The following CFAP44 variants were observed in gnomAD, a reference collection of about 807,000 sequenced individuals.
CFAP44 encodes the protein cilia- and flagella-associated protein 44.
Under a neutral mutation model 216.2 loss-of-function variants are expected in CFAP44, and 134 were observed. That is an observed-to-expected ratio of 0.62 (90% CI 0.54 to 0.72). The LOEUF is 0.72. CFAP44 is among the 30% of genes least tolerant of loss of function. The pLI, the probability that CFAP44 is intolerant of heterozygous loss-of-function variation, is 0.00. For synonymous variants in CFAP44, 700 were observed against 727.6 expected (o/e 0.96, Z 0.61); for missense variants, 2,035 against 2,182.1 (o/e 0.93, Z 1.34).
At chr3:113,362,890 C>T in intron 21 of CFAP44, 1 of 1,215,262 alleles carries the variant, frequency 8.2e-7, no homozygotes, top group Non-Finnish European at 1.0e-6. Flanking sequence ...ATTTCTTCCC[C>T]ATGTATTCCT....
In CFAP44 at chr3:113,304,078, A is replaced by G. The variant is rs1388213106; in HGVS notation, c.4915T>C (p.Ser1639Pro). Reference protein sequence around the residue: ...VVFGEIPSDLSGTLVFSNHAL... With the variant: ...VVFGEIPSDLPGTLVFSNHAL... ...TGGTTAGAGAAGACCAAAGTACCAGAAAGATCGCTAGGTATTTCTCCAAAT... is the reference window on the plus strand; with the variant it reads ...TGGTTAGAGAAGACCAAAGTACCAGGAAGATCGCTAGGTATTTCTCCAAAT... Residue 1639 changes from serine (S) to proline (P), a missense_variant, in exon 32 of 35, where the codon TCT becomes CCT. Physicochemically the swap from Ser to Pro is moderately conservative, Grantham distance 74. This residue lies in a region of CFAP44 where 1,883 missense variants were observed against 2,023.7 expected (regional missense o/e 0.93). Coordinates refer to ENST00000393845, the MANE Select transcript of CFAP44 (RefSeq NM_001164496.2). 1.9e-5 allele frequency: 29 copies of G among 1,537,184 alleles called. No homozygotes were observed.
chr3:113,419,922 T>G, intron 5 of CFAP44, 95 bp downstream of exon 5: 1 of 1,298,776 alleles, frequency 7.7e-7, no homozygotes, highest in Non-Finnish European at 1.1e-6. Flanking sequence ...ATACTGTGCA[T>G]GGTGTTGGCA....
At chr3:113,367,631 C>T (rs1010625050) in intron 18 of CFAP44, among the ~76,000 whole-genome samples, 1 of 152,128 alleles carries the variant, frequency 6.6e-6, no homozygotes, top group Non-Finnish European at 1.5e-5. Flanking sequence ...GGGGAGAAAC[C>T]AGAGCAGAAA....
In CFAP44 at chr3:113,316,290, C is replaced by A. The variant is rs564806243; in HGVS notation, c.4517-8022G>T. Among the ~76,000 whole-genome samples the A allele has an allele frequency of 3.4e-4, 51 of 152,068 alleles. 1 individual carries two copies. In the South Asian group the frequency reaches 9.8e-3, roughly 29 times the overall value. ...CCAACTTAAAATCTGTGAGATGCAG[C>A]CAAAGCAGAGTTAAGAGGGAATTTA... On this transcript the variant is annotated intron_variant, in intron 28 of 34. Coordinates refer to ENST00000393845, the MANE Select transcript of CFAP44 (RefSeq NM_001164496.2).
intron 13 of CFAP44, among the ~76,000 whole-genome samples, 173 bp downstream of exon 13, chr3:113,399,733 T>C (rs1934090235): frequency 6.6e-6 from 1 of 152,164 alleles, no homozygotes; most frequent in South Asian, 2.1e-4. Context: ...ACCAAACCCA[T>C]AACAACAATC....
At position 113,420,368 on chromosome 3, in the gene CFAP44, A is replaced by C. The variant is rs75885613; in HGVS notation, c.408-189T>G. On this transcript the variant is annotated intron_variant, in intron 4 of 34. Coordinates refer to ENST00000393845, the MANE Select transcript of CFAP44 (RefSeq NM_001164496.2). The stretch of plus-strand genomic sequence containing the variant: ...ATTTTGTTTTTAAATTAGGTGAGAA[A>C]AAAAAGGCCTGGGCAGGAAAACAAT... Among the ~76,000 whole-genome samples the C allele has an allele frequency of 1.1e-3, 175 of 152,340 alleles. 1 individual carries two copies. In the East Asian group the frequency reaches 0.033, roughly 29 times the overall value.
chr3:113,338,255 C>CAAAAAAAAAAAAAAAAAAAAAAAAAA (rs10574877), intron 24 of CFAP44, among the ~76,000 whole-genome samples: 1 of 43,018 alleles, frequency 2.3e-5, no homozygotes, highest in East Asian at 8.1e-4. Flanking sequence ...GACAATGTCT[C>CAAAAAAAAAAAAAAAAAAAAAAAAAA]AAAAAAAAAA....
intron 25 of CFAP44, among the ~76,000 whole-genome samples, 180 bp from the exon 26 acceptor site, chr3:113,330,848 T>A (rs1950235750): frequency 6.6e-6 from 1 of 152,176 alleles, no homozygotes; most frequent in South Asian, 2.1e-4. Flanking sequence ...TTTTTTCCAT[T>A]TAGGCCCTCC....
intron 13 of CFAP44, chr3:113,397,258 A>C (rs1934016800): frequency 6.5e-6 from 1 of 154,644 alleles, no homozygotes; most frequent in Non-Finnish European, 1.4e-5. Context: ...CACTCCTAAG[A>C]GAGAATTTAA....
intron 18 of CFAP44, among the ~76,000 whole-genome samples, chr3:113,366,528 T>C (rs550282907): frequency 7.2e-4 from 109 of 152,074 alleles, no homozygotes; most frequent in Non-Finnish European, 1.2e-3. Flanking sequence ...ATTAGAACAT[T>C]AGGGTAGGTT....
intron 6 of CFAP44, among the ~76,000 whole-genome samples, chr3:113,411,208 G>GA (rs1339927018): frequency 5.9e-5 from 9 of 152,192 alleles, no homozygotes; most frequent in Non-Finnish European, 7.3e-5. Context: ...TTTTACACAT[G>GA]AAGTCCTTGC....
chr3:113,393,343 TC>T (rs768949729), intron 15 of CFAP44, among the ~76,000 whole-genome samples: 30 of 152,306 alleles, frequency 2.0e-4, no homozygotes, highest in Non-Finnish European at 4.0e-4. Flanking sequence ...CCTCCAAATC[TC>T]ATGTTGGAAT....
chr3:113,350,076 G>A (rs1427607593), intron 22 of CFAP44, among the ~76,000 whole-genome samples: 2 of 152,216 alleles, frequency 1.3e-5, no homozygotes, highest in African/African-American at 2.4e-5. Flanking sequence ...AACCCAACGA[G>A]GTGGCAGTCT....
chr3:113,373,397 G>T lies in CFAP44; in HGVS notation c.2444+14C>A. The T allele has an allele frequency of 1.3e-6, 2 of 1,524,456 alleles. No homozygotes were observed. Among genetic ancestry groups the T allele is most frequent in the South Asian group, 1.3e-5 (1 of 74,656 alleles). 94.4% of individuals were successfully genotyped at this position (1,524,456 alleles called of 1,614,324 possible). A position where few individuals can be genotyped will look rare whatever the true frequency, so the allele number is the denominator to read the frequency against. On this transcript the variant is annotated intron_variant, in intron 18 of 34. Transcript: ENST00000393845. The stretch of plus-strand genomic sequence containing the variant: ...GGATATGGTTTTTTTAAAGCTTTTT[G>T]AAATACTGCTCACTTGAAAGTGATA...
intron 15 of CFAP44, among the ~76,000 whole-genome samples, chr3:113,388,032 T>C (rs1342239485): frequency 1.3e-5 from 2 of 152,028 alleles, no homozygotes; most frequent in Admixed American, 6.5e-5. Flanking sequence ...CACAGTAGAA[T>C]AGAACACCAG....
At chr3:113,310,728 G>T (rs1006372134) in intron 28 of CFAP44, among the ~76,000 whole-genome samples, 1 of 152,122 alleles carries the variant, frequency 6.6e-6, no homozygotes, top group Non-Finnish European at 1.5e-5. Context: ...GGAATCCCTC[G>T]AATAGTTTAG....
intron 29 of CFAP44, among the ~76,000 whole-genome samples, chr3:113,307,707 C>T (rs138928190): frequency 9.2e-5 from 14 of 152,316 alleles, no homozygotes; most frequent in South Asian, 8.3e-4. Context: ...CGATGGCTCA[C>T]GCCTGTAATC....
intron 28 of CFAP44, among the ~76,000 whole-genome samples, chr3:113,322,124 A>C (rs754785641): frequency 4.6e-5 from 7 of 152,242 alleles, no homozygotes; most frequent in Non-Finnish European, 1.0e-4. Context: ...TTCAGCTATA[A>C]AGCTGTAGTA....
chr3:113,307,354 C>T (rs553450364), intron 29 of CFAP44, among the ~76,000 whole-genome samples: 1 of 152,302 alleles, frequency 6.6e-6, no homozygotes, highest in Admixed American at 6.5e-5. Context: ...TATTATTTGT[C>T]ACTCATAAAT....
Sources: gnomAD v4.1 joint callset for allele counts (sites outside exome capture counted in the v4.1 genomes callset) on GRCh38, gnomAD v4.1.1 for gene constraint, gnomAD v4.1.1 regional missense constraint, MANE v1.5 for transcripts, NCBI Gene and HGNC (gene_info 2026-07-23, HGNC 2026-07-21) for gene names.